ANKRD22: variants seen among roughly 807,000 people sequenced by gnomAD.
The protein encoded by ANKRD22 is ankyrin repeat domain-containing protein 22.
ANKRD22 carries 24 observed loss-of-function variants against 25.7 expected under a neutral mutation model. The ratio of observed to expected loss-of-function variants is 0.93; its 90% confidence interval spans 0.68 to 1.31. The LOEUF is 1.31. Among genes scored for constraint, ANKRD22 ranks in the 50% most tolerant of loss-of-function variants. ANKRD22 has a pLI of 0.00. For missense variants in ANKRD22, 214 were observed against 227.1 expected, an observed-to-expected ratio of 0.94 and a Z score of 0.37; for synonymous variants, 84 against 84.3, an observed-to-expected ratio of 1.00 and a Z score of 0.02.
chr10:88,840,044 T>C (rs865792741), intron 1 of ANKRD22, among the ~76,000 whole-genome samples: 5 of 152,290 alleles, frequency 3.3e-5, no homozygotes, highest in Admixed American at 6.5e-5. Context: ...AAAAATTTAA[T>C]GTAACATTGC....
At chr10:88,839,006 GAC>G (rs1310604271) in intron 1 of ANKRD22, among the ~76,000 whole-genome samples, 1 of 152,188 alleles carries the variant, frequency 6.6e-6, no homozygotes, top group East Asian at 1.9e-4. Context: ...GAAAAGCTAA[GAC>G]ACAGGATTGA....
At chr10:88,836,013 A>G (rs959041180) in intron 1 of ANKRD22, among the ~76,000 whole-genome samples, 2 of 152,182 alleles carry the variant, frequency 1.3e-5, no homozygotes, top group Non-Finnish European at 1.5e-5. Context: ...AATTATTATA[A>G]TAACTCTATC....
chr10:88,832,379 T>TACCTTTATCTTTATCTTTACTAAAGAC (rs1843913132), intron 1 of ANKRD22, among the ~76,000 whole-genome samples: 1 of 150,934 alleles, frequency 6.6e-6, no homozygotes, highest in South Asian at 2.1e-4. Context: ...TTACTAAAGA[T>TACCTTTATCTTTATCTTTACTAAAGAC]AAAATACCTT....
chr10:88,820,096 C>G lies in ANKRD22; in HGVS notation c.*2845G>C. 1 of 659,240 alleles carries G rather than the reference C, an allele frequency of 1.5e-6. No individual in the cohort carries two copies. The highest frequency in any genetic ancestry group is 2.5e-6 in the Non-Finnish European group (1 of 401,180). The allele number at this position is 659,240 out of a possible 1,614,324, so 40.8% of individuals were successfully genotyped here. A position where few individuals can be genotyped will look rare whatever the true frequency, so the allele number is the denominator to read the frequency against. ...TAAGGGCGGGAACAGAAATTCTTAA[C>G]AGAGTTGTGTGGCTCTAACACCCAT... On this transcript the variant is annotated 3_prime_UTR_variant, in exon 6 of 6. Transcript: ENST00000371930.
intron 3 of ANKRD22, among the ~76,000 whole-genome samples, chr10:88,828,101 G>GT (rs1410310564): frequency 6.6e-6 from 1 of 152,154 alleles, no homozygotes; most frequent in Non-Finnish European, 1.5e-5. Context: ...TTCTCAACAA[G>GT]TATCTTCTGT....
chr10:88,847,618 A>G (rs1318513386), intron 1 of ANKRD22, among the ~76,000 whole-genome samples: 1 of 151,838 alleles, frequency 6.6e-6, no homozygotes. Flanking sequence ...ATTTATCCAA[A>G]AGCTTGACTT....
Position 88,823,110 on chromosome 10 carries a change from C to T in ANKRD22, c.499-92G>A. Reference sequence around the variant, plus strand: ...AATTGACTCTCTGTGTTGGCAAGGGCTTTAAAAGGCAATCAGTCCTAATAG... The same window carrying T: ...AATTGACTCTCTGTGTTGGCAAGGGTTTTAAAAGGCAATCAGTCCTAATAG... On this transcript the variant is annotated intron_variant, in intron 5 of 5. Transcript: ENST00000371930. 16 of 1,341,718 alleles carry T rather than the reference C, an allele frequency of 1.2e-5. No homozygotes were observed. The South Asian group carries it at 1.9e-4, about 16-fold the overall frequency. The allele number at this position is 1,341,718 out of a possible 1,614,324, so 83.1% of individuals were successfully genotyped here.
intron 2 of ANKRD22, among the ~76,000 whole-genome samples, chr10:88,830,327 C>A (rs1843892143): frequency 6.6e-6 from 1 of 152,118 alleles, no homozygotes; most frequent in Admixed American, 6.5e-5. Flanking sequence ...GTCAGTTTGA[C>A]AGACAAAAAC....
At chr10:88,827,943 A>C (rs983973835) in intron 3 of ANKRD22, among the ~76,000 whole-genome samples, 4 of 152,334 alleles carry the variant, frequency 2.6e-5, no homozygotes, top group East Asian at 3.9e-4. Context: ...TTGGGAAAAA[A>C]AACCAAAAAC....
At chr10:88,844,364 A>T (rs1844029377) in intron 1 of ANKRD22, among the ~76,000 whole-genome samples, 1 of 152,128 alleles carries the variant, frequency 6.6e-6, no homozygotes, top group Non-Finnish European at 1.5e-5. Flanking sequence ...ATGTTAGCAG[A>T]GTTTTGACAA....
At chr10:88,835,790 T>C (rs1423812764) in intron 1 of ANKRD22, among the ~76,000 whole-genome samples, 1 of 152,150 alleles carries the variant, frequency 6.6e-6, no homozygotes, top group Non-Finnish European at 1.5e-5. Context: ...TGTTATGAAC[T>C]TGCGGTTTCC....
intron 1 of ANKRD22, among the ~76,000 whole-genome samples, chr10:88,837,856 C>T (rs1843968499): frequency 6.6e-6 from 1 of 152,160 alleles, no homozygotes; most frequent in Non-Finnish European, 1.5e-5. Flanking sequence ...CTCTCTTTTG[C>T]CAGCTGCCAT....
chr10:88,827,441 T>C (rs1843865676), intron 3 of ANKRD22, among the ~76,000 whole-genome samples: 1 of 152,254 alleles, frequency 6.6e-6, no homozygotes, highest in Non-Finnish European at 1.5e-5. Flanking sequence ...AAATTCTGAA[T>C]GAGCCTTCTA....
At chr10:88,829,040 G>A (rs1329764444) in intron 2 of ANKRD22, among the ~76,000 whole-genome samples, 2 of 152,152 alleles carry the variant, frequency 1.3e-5, no homozygotes, top group South Asian at 2.1e-4. Flanking sequence ...CCATGTGTAC[G>A]ATTATCCATT....
At chr10:88,835,567 T>C (rs1292683705) in intron 1 of ANKRD22, among the ~76,000 whole-genome samples, 1 of 152,200 alleles carries the variant, frequency 6.6e-6, no homozygotes, top group African/African-American at 2.4e-5. Flanking sequence ...GTAACACAAT[T>C]GTAAGTATTT....
At chr10:88,827,272 T>C (rs1843864049) in intron 3 of ANKRD22, among the ~76,000 whole-genome samples, 1 of 152,228 alleles carries the variant, frequency 6.6e-6, no homozygotes, top group South Asian at 2.1e-4. Flanking sequence ...CTCATGTCAC[T>C]TATTTGTTAA....
rs956711671 is a variant in ANKRD22, at chr10:88,820,221, C to T, written c.*2720G>A. 30 of 1,543,530 alleles carry T rather than the reference C, an allele frequency of 1.9e-5. No individual in the cohort carries two copies. The highest frequency in any genetic ancestry group is 4.1e-5 in the African/African-American group (3 of 72,836). On this transcript the variant is annotated 3_prime_UTR_variant, in exon 6 of 6. Transcript: ENST00000371930. ...TGTTACCTAGAGTTAAGAACTATTC[C>T]TTTTCTCTAGCCAACTCCTGTAAGG...
intron 1 of ANKRD22, among the ~76,000 whole-genome samples, chr10:88,837,588 G>T (rs1158192611): frequency 6.6e-6 from 1 of 152,142 alleles, no homozygotes; most frequent in Non-Finnish European, 1.5e-5. Context: ...GAAAGTCAGA[G>T]GTTTGATCTT....
intron 1 of ANKRD22, among the ~76,000 whole-genome samples, chr10:88,846,238 G>C (rs1230489792): frequency 6.6e-6 from 1 of 151,976 alleles, no homozygotes; most frequent in Non-Finnish European, 1.5e-5. Flanking sequence ...GGTTATGCCA[G>C]GTATGCACAA....
Sources: allele counts gnomAD v4.1 joint callset (sites outside exome capture counted in the v4.1 genomes callset), GRCh38; gene constraint gnomAD v4.1.1; transcripts MANE v1.5; gene names NCBI Gene and HGNC (gene_info 2026-07-23, HGNC 2026-07-21).